DAB1: variants seen among roughly 807,000 people sequenced by gnomAD.
DAB1 encodes the protein disabled homolog 1.
Under a neutral mutation model 64.6 loss-of-function variants are expected in DAB1, and 15 were observed. The observed-to-expected ratio is 0.23, with a 90% CI of 0.16 to 0.36. The LOEUF (loss-of-function observed/expected upper bound fraction) is 0.36, where lower values mean the gene tolerates loss of function less well. Ranked by LOEUF, DAB1 falls within the 10% of genes least tolerant of loss-of-function variation. DAB1 has a pLI of 1.00. For missense variants in DAB1, 596 were observed against 706.7 expected (o/e 0.84, Z 1.78); for synonymous variants, 235 against 251.9 (o/e 0.93, Z 0.64).
At chr1:57,689,613 T>G (rs1168739759) in intron 6 of DAB1, among the ~76,000 whole-genome samples, 3 of 152,158 alleles carry the variant, frequency 2.0e-5, no homozygotes, top group Admixed American at 6.6e-5. Flanking sequence ...ATGCTATGAT[T>G]AATTTTTTTT....
intron 4 of DAB1, among the ~76,000 whole-genome samples, chr1:58,340,629 A>T (rs996709145): frequency 6.6e-6 from 1 of 152,128 alleles, no homozygotes; most frequent in Non-Finnish European, 1.5e-5. Flanking sequence ...AGGCTTCTCA[A>T]CTCCCCAAAT....
intron 6 of DAB1, among the ~76,000 whole-genome samples, chr1:57,700,416 C>G (rs966162585): frequency 6.6e-6 from 1 of 152,196 alleles, no homozygotes; most frequent in South Asian, 2.1e-4. Flanking sequence ...TGGCTACTAT[C>G]TACTTCACCT....
intron 5 of DAB1, among the ~76,000 whole-genome samples, chr1:58,045,829 C>A (rs1446996282): frequency 6.6e-6 from 1 of 151,624 alleles, no homozygotes; most frequent in Non-Finnish European, 1.5e-5. Flanking sequence ...ATTTATTCTC[C>A]TATCCTTTCA....
chr1:57,826,290 CA>C (rs1652346467), exon 2 of DAB1: 1 of 152,204 alleles, frequency 6.6e-6, no homozygotes, highest in Admixed American at 6.5e-5. Flanking sequence ...TCCAGTAGTT[CA>C]CATGCAATGA....
chr1:58,317,040 C>A (rs995177534), intron 4 of DAB1, among the ~76,000 whole-genome samples: 1 of 152,220 alleles, frequency 6.6e-6, no homozygotes, highest in African/African-American at 2.4e-5. Context: ...GAAAATTCTT[C>A]TGTGCTTAGC....
chr1:57,947,893 C>T (rs906990995), intron 5 of DAB1, among the ~76,000 whole-genome samples: 2 of 152,202 alleles, frequency 1.3e-5, no homozygotes, highest in East Asian at 3.9e-4. Context: ...TAAAATAAAC[C>T]GTGGTCTCCT....
intron 2 of DAB1, among the ~76,000 whole-genome samples, chr1:57,243,771 C>G (rs1668668851): frequency 6.6e-6 from 1 of 152,192 alleles, no homozygotes; most frequent in Non-Finnish European, 1.5e-5. Flanking sequence ...ATAAGCAGCG[C>G]TGGTGGTCGC....
chr1:58,362,434 A>G (rs1330853564), intron 3 of DAB1, among the ~76,000 whole-genome samples: 1 of 152,234 alleles, frequency 6.6e-6, no homozygotes, highest in Non-Finnish European at 1.5e-5. Context: ...AACACATGAA[A>G]AGAAGCTCAA....
chr1:58,048,632 T>C, intron 5 of DAB1: 2 of 1,182,950 alleles, frequency 1.7e-6, no homozygotes, highest in Admixed American at 1.7e-5. Context: ...ACCACTAAAG[T>C]TTCCTCCACA....
chr1:57,025,978 T>C lies in DAB1; in HGVS notation c.786+3A>G. On this transcript the variant is annotated splice_donor_region_variant and intron_variant, in intron 10 of 14. Transcript: ENST00000371236. Reference sequence around the variant, plus strand: ...CAGGGTTCAGAGAGCAATGCATACTTACGGGGGGAGAGGTTATATCAGGGG... The same window carrying C: ...CAGGGTTCAGAGAGCAATGCATACTCACGGGGGGAGAGGTTATATCAGGGG... 1 of 1,575,304 alleles carries C rather than the reference T, an allele frequency of 6.3e-7. No individual in the cohort carries two copies.
intron 3 of DAB1, among the ~76,000 whole-genome samples, chr1:58,439,992 G>T (rs982316357): frequency 6.6e-6 from 1 of 152,134 alleles, no homozygotes; most frequent in Non-Finnish European, 1.5e-5. Context: ...TTATCTCTAC[G>T]TGGTCACCTG....
intron 2 of DAB1, among the ~76,000 whole-genome samples, chr1:57,284,438 C>T (rs531508242): frequency 2.0e-5 from 3 of 152,238 alleles, no homozygotes; most frequent in African/African-American, 7.2e-5. Context: ...AATGATGCCC[C>T]GTCCTACATT....
At chr1:57,518,568 A>C (rs886975155) in intron 7 of DAB1, among the ~76,000 whole-genome samples, 1 of 152,078 alleles carries the variant, frequency 6.6e-6, no homozygotes. Context: ...CCTTTTTTTC[A>C]TGTGTGACTT....
chr1:57,782,597 C>G (rs1185007028), intron 6 of DAB1, among the ~76,000 whole-genome samples: 1 of 152,182 alleles, frequency 6.6e-6, no homozygotes, highest in Non-Finnish European at 1.5e-5. Context: ...CCTGCTGTCT[C>G]TCTCTTGCCT....
intron 4 of DAB1, among the ~76,000 whole-genome samples, chr1:58,300,634 GAGAGAGAGAGAGAGGAAGGA>G (rs1304540806): frequency 1.4e-3 from 93 of 64,388 alleles, no homozygotes; most frequent in Middle Eastern, 7.0e-3. Flanking sequence ...GAGAGAGAGA[GAGAGAGAGAGAGAGGAAGGA>G]AGGAAGGAAG....
intron 5 of DAB1, among the ~76,000 whole-genome samples, chr1:58,129,195 T>G (rs895100803): frequency 6.6e-6 from 1 of 151,502 alleles, no homozygotes; most frequent in Non-Finnish European, 1.5e-5. Context: ...GGAGACTGTA[T>G]GTGTCCAGGA....
intron 5 of DAB1, among the ~76,000 whole-genome samples, chr1:57,902,088 T>G (rs1644482380): frequency 1.4e-5 from 2 of 147,330 alleles, no homozygotes; most frequent in Non-Finnish European, 3.0e-5. Flanking sequence ...GTTCAGGAGG[T>G]GGAGGTTGCC....
intron 7 of DAB1, among the ~76,000 whole-genome samples, chr1:57,646,663 C>A (rs1185029845): frequency 1.3e-5 from 2 of 152,180 alleles, no homozygotes; most frequent in African/African-American, 2.4e-5. Context: ...ATGGGAGGAT[C>A]GCTTGAGCCC....
At chr1:57,003,230 C>T (rs1645936609) in intron 14 of DAB1, among the ~76,000 whole-genome samples, 1 of 152,220 alleles carries the variant, frequency 6.6e-6, no homozygotes, top group Non-Finnish European at 1.5e-5. Flanking sequence ...CTCCACATGT[C>T]CTTTAACTAT....
Sources: gnomAD v4.1 joint callset for allele counts (sites outside exome capture counted in the v4.1 genomes callset) on GRCh38, gnomAD v4.1.1 for gene constraint, MANE v1.5 for transcripts, NCBI Gene and HGNC (gene_info 2026-07-23, HGNC 2026-07-21) for gene names.